The following ATG4C variants were observed in gnomAD, a reference collection of about 807,000 sequenced individuals.
The protein encoded by ATG4C is cysteine protease ATG4C.
In ATG4C, 56 loss-of-function variants were observed where a neutral mutation model predicts 57.6. That is an observed-to-expected ratio of 0.97 (90% CI 0.78 to 1.21). The LOEUF (loss-of-function observed/expected upper bound fraction) is 1.21. Ranked by LOEUF, ATG4C falls within the 50% of genes most tolerant of loss-of-function variation. The pLI is 0.00. For synonymous variants in ATG4C, 157 were observed against 174.1 expected, an observed-to-expected ratio of 0.90 and a Z score of 0.78; for missense variants, 595 against 529.8, an observed-to-expected ratio of 1.12 and a Z score of -1.21.
intron 3 of ATG4C, among the ~76,000 whole-genome samples, chr1:62,810,882 C>G (rs1665062987): frequency 6.6e-6 from 1 of 152,142 alleles, no homozygotes; most frequent in Non-Finnish European, 1.5e-5. Context: ...TATTTGAAAT[C>G]TATTTCTAAC....
intron 4 of ATG4C, among the ~76,000 whole-genome samples, chr1:62,817,243 T>C (rs1372574828): frequency 2.6e-5 from 4 of 152,188 alleles, no homozygotes; most frequent in African/African-American, 9.7e-5. Flanking sequence ...TACTCTGGTT[T>C]CTTTATTTTC....
chr1:62,801,852 G>A (rs1664678974), intron 1 of ATG4C, among the ~76,000 whole-genome samples: 1 of 149,198 alleles, frequency 6.7e-6, no homozygotes, highest in South Asian at 2.1e-4. Context: ...CAGTTACTCG[G>A]GAGGCTGAGG....
chr1:62,820,753 A>G (rs559272927), intron 5 of ATG4C, among the ~76,000 whole-genome samples: 24 of 152,200 alleles, frequency 1.6e-4, no homozygotes, highest in African/African-American at 5.8e-4. Context: ...GTACTAGAGG[A>G]CAGACACAGT....
intron 1 of ATG4C, among the ~76,000 whole-genome samples, chr1:62,789,854 T>C (rs1192102163): frequency 6.6e-6 from 1 of 151,726 alleles, no homozygotes; most frequent in Non-Finnish European, 1.5e-5. Flanking sequence ...ATCTGGGTAT[T>C]GAATATGCTC....
At chr1:62,805,060 C>T (rs1664811207) in intron 2 of ATG4C, 112 bp from the exon 3 acceptor site, 1 of 1,378,066 alleles carries the variant, frequency 7.3e-7, no homozygotes, top group African/African-American at 1.5e-5. Flanking sequence ...AATGCACATC[C>T]ATAAATAATA....
chr1:62,793,597 G>GAAAAAAAAAAAAAAAAAAAAAAA (rs746057232), intron 1 of ATG4C, among the ~76,000 whole-genome samples: 1 of 20,538 alleles, frequency 4.9e-5, no homozygotes, highest in Non-Finnish European at 8.9e-5. Context: ...ACCTTGTCTC[G>GAAAAAAAAAAAAAAAAAAAAAAA]AAAAAAAAAA....
intron 6 of ATG4C, among the ~76,000 whole-genome samples, chr1:62,821,427 T>C (rs1042797849): frequency 1.3e-5 from 2 of 152,064 alleles, no homozygotes; most frequent in African/African-American, 4.8e-5. Context: ...CTCAAAGAAT[T>C]TCAGCATTTC....
At chr1:62,790,634 G>A (rs1283046787) in intron 1 of ATG4C, among the ~76,000 whole-genome samples, 1 of 152,052 alleles carries the variant, frequency 6.6e-6, no homozygotes, top group Non-Finnish European at 1.5e-5. Flanking sequence ...TCAGTTATCT[G>A]TAAAACTACT....
rs1215797551 is a variant in ATG4C at position 62,864,400 on chromosome 1, A to G, written c.*241A>G. ...TTGCATTCCTATTTCCCTAAGATCT[A>G]CTAGTGATAATTCTACCTTAACTGT... On this transcript the variant is annotated 3_prime_UTR_variant, in exon 11 of 11. Transcript: ENST00000317868. 8.9e-6 allele frequency: 3 copies of G among 338,130 alleles called. No homozygotes were observed. The highest frequency in any genetic ancestry group is 2.2e-5 in the African/African-American group (1 of 44,866). The allele number at this position is 338,130 out of a possible 1,614,324, so 20.9% of individuals were successfully genotyped here. A position where few individuals can be genotyped will look rare whatever the true frequency, so the allele number is the denominator to read the frequency against.
At chr1:62,862,919 C>T (rs1353793514) in intron 10 of ATG4C, among the ~76,000 whole-genome samples, 1 of 151,950 alleles carries the variant, frequency 6.6e-6, no homozygotes, top group African/African-American at 2.4e-5. Context: ...ATTTAACTGA[C>T]AATAATTATG....
intron 3 of ATG4C, among the ~76,000 whole-genome samples, chr1:62,813,322 C>G (rs1391585477): frequency 2.6e-5 from 4 of 152,168 alleles, no homozygotes; most frequent in African/African-American, 9.7e-5. Flanking sequence ...TGATCCTTGA[C>G]AGACCTGACA....
chr1:62,861,961 C>T (rs1218355354), intron 10 of ATG4C, among the ~76,000 whole-genome samples: 1 of 152,076 alleles, frequency 6.6e-6, no homozygotes, highest in African/African-American at 2.4e-5. Context: ...GAACACTAAC[C>T]TTTTCACATT....
intron 1 of ATG4C, among the ~76,000 whole-genome samples, chr1:62,795,554 A>T (rs1394475400): frequency 1.3e-5 from 2 of 152,242 alleles, no homozygotes; most frequent in Non-Finnish European, 2.9e-5. Context: ...TACTATTAGC[A>T]TCTAATTAAA....
Position 62,829,042 on chromosome 1 carries a change from T to A in ATG4C, c.799T>A (p.Tyr267Asn), listed in dbSNP as rs1466299208. Residue 267 changes from tyrosine (Y) to asparagine (N), a missense_variant and splice_region_variant, in exon 7 of 11, where the codon TAC becomes AAC. Coordinates refer to ENST00000317868, the MANE Select transcript of ATG4C (RefSeq NM_032852.4). ...CATATTCATTATGTTTTTCTCAGTT[T>A]ACAATTCTGATGTAATTGATAAACA... Reference protein sequence around the residue: ...TIYVAQDCTVYNSDVIDKQSA... With the variant: ...TIYVAQDCTVNNSDVIDKQSA... The A allele has an allele frequency of 1.2e-6, 2 of 1,604,442 alleles. No individual in the cohort carries two copies. The highest frequency in any genetic ancestry group is 1.1e-5 in the South Asian group (1 of 88,326).
At chr1:62,844,912 C>CT (rs1376022035) in intron 10 of ATG4C, among the ~76,000 whole-genome samples, 1 of 151,950 alleles carries the variant, frequency 6.6e-6, no homozygotes, top group Non-Finnish European at 1.5e-5. Flanking sequence ...GTTGATCTAG[C>CT]TTATTCATTT....
intron 9 of ATG4C, among the ~76,000 whole-genome samples, chr1:62,839,639 G>A (rs983514339): frequency 2.0e-5 from 3 of 152,152 alleles, no homozygotes; most frequent in African/African-American, 7.2e-5. Flanking sequence ...TAACCAGTTT[G>A]TTTAGCTTTT....
At chr1:62,835,155 A>T (rs966002750) in intron 9 of ATG4C, among the ~76,000 whole-genome samples, 1 of 151,482 alleles carries the variant, frequency 6.6e-6, no homozygotes, top group African/African-American at 2.4e-5. Flanking sequence ...GCTAAACAGT[A>T]CTGAAGAATT....
intron 8 of ATG4C, 54 bp from the exon 9 acceptor site, chr1:62,834,722 A>G: frequency 1.4e-6 from 2 of 1,399,332 alleles, no homozygotes; most frequent in Non-Finnish European, 2.0e-6. Context: ...GATTGTAAGC[A>G]GTGTAATAAT....
chr1:62,822,813 T>C (rs1448390908), intron 6 of ATG4C, among the ~76,000 whole-genome samples: 1 of 152,108 alleles, frequency 6.6e-6, no homozygotes, highest in African/African-American at 2.4e-5. Context: ...TCTATTTTTA[T>C]GGCTTTAAAT....
Sources: gnomAD v4.1 joint callset for allele counts (sites outside exome capture counted in the v4.1 genomes callset) on GRCh38, gnomAD v4.1.1 for gene constraint, MANE v1.5 for transcripts, NCBI Gene and HGNC (gene_info 2026-07-23, HGNC 2026-07-21) for gene names.